The following CFAP97D2 variants were observed in gnomAD, a reference collection of about 807,000 sequenced individuals.
CFAP97D2 encodes uncharacterized protein CFAP97D2.
intron 1 of CFAP97D2, among the ~76,000 whole-genome samples, chr13:114,182,047 A>G (rs961194235): frequency 2.0e-5 from 3 of 152,086 alleles, no homozygotes; most frequent in Non-Finnish European, 2.9e-5. Context: ...TCAGCATACC[A>G]AGGACCTGCA....
At chr13:114,214,902 A>T (rs1040294284) in intron 4 of CFAP97D2, among the ~76,000 whole-genome samples, 1 of 150,544 alleles carries the variant, frequency 6.6e-6, no homozygotes, top group African/African-American at 2.4e-5. Context: ...AATATTTTAT[A>T]CAGATTTGCC....
At chr13:114,218,764 C>T (rs2081006905) in intron 4 of CFAP97D2, among the ~76,000 whole-genome samples, 1 of 152,128 alleles carries the variant, frequency 6.6e-6, no homozygotes, top group African/African-American at 2.4e-5. Flanking sequence ...CTGACAAAAA[C>T]AAGAAATGGG....
chr13:114,216,080 A>G (rs1421985357), intron 4 of CFAP97D2, among the ~76,000 whole-genome samples: 1 of 152,160 alleles, frequency 6.6e-6, no homozygotes, highest in African/African-American at 2.4e-5. Context: ...CAATCTCACT[A>G]GTGGACTGAA....
At chr13:114,182,597 G>A (rs975820606) in intron 1 of CFAP97D2, among the ~76,000 whole-genome samples, 1 of 149,140 alleles carries the variant, frequency 6.7e-6, no homozygotes. Flanking sequence ...CAAGGGCAGA[G>A]GTCCCTGCGG....
chr13:114,212,306 C>G (rs182034408), intron 4 of CFAP97D2: 1 of 382,236 alleles, frequency 2.6e-6, no homozygotes, highest in African/African-American at 2.1e-5. Flanking sequence ...TCACCCACCA[C>G]GCATTTGTTC....
chr13:114,203,762 G>A lies in CFAP97D2; in HGVS notation c.290+3319G>A, dbSNP rs1261633440. The stretch of plus-strand genomic sequence containing the variant: ...CTTCACCCGTTTCCCCAGTGCGCAT[G>A]TGGGCATGTGCAGACAAGGCCCTGG... On this transcript the variant is annotated intron_variant, in intron 3 of 4. Coordinates refer to ENST00000646158, the Ensembl canonical transcript of CFAP97D2. The surrounding 1 kb of genome is among the most constrained non-coding windows in gnomAD (Gnocchi z 4.3). 6.6e-6 allele frequency among the ~76,000 whole-genome samples: 1 copy of A among 152,248 alleles called. No individual in the cohort carries two copies. Among genetic ancestry groups the A allele is most frequent in the Non-Finnish European group, 1.5e-5 (1 of 68,052 alleles).
At chr13:114,182,218 T>C (rs375912498) in intron 1 of CFAP97D2, among the ~76,000 whole-genome samples, 9 of 125,302 alleles carry the variant, frequency 7.2e-5, no homozygotes, top group Admixed American at 1.7e-4. Context: ...GGGAAGGTAC[T>C]ATGCCTGGAT....
chr13:114,223,050 T>C (rs1382544210), downstream of CFAP97D2: 1 of 152,284 alleles, frequency 6.6e-6, no homozygotes, highest in Non-Finnish European at 1.5e-5. Context: ...AATATCTAAA[T>C]AAATCAGATT....
At chr13:114,212,294 C>G (rs377385715) in intron 4 of CFAP97D2, 3 of 388,682 alleles carry the variant, frequency 7.7e-6, no homozygotes, top group South Asian at 2.9e-4. Flanking sequence ...CAGCTGATGA[C>G]CTCACCCACC....
intron 3 of CFAP97D2, among the ~76,000 whole-genome samples, chr13:114,208,984 T>G (rs1356149227): frequency 2.0e-5 from 3 of 152,032 alleles, no homozygotes; most frequent in South Asian, 2.1e-4. Flanking sequence ...ACCCCTTTGG[T>G]TTTTGGATAT....
rs897231562 is a variant in CFAP97D2 at position 114,207,304 on chromosome 13, G to A, written c.291-4608G>A. On this transcript the variant is annotated intron_variant, in intron 3 of 4. Transcript: ENST00000646158. The surrounding 1 kb of genome is among the most constrained non-coding windows in gnomAD (Gnocchi z 4.9). ...GCTACTGGGATACGGCATGGACAGC[G>A]AGGGGAGGGGTCCCGTTCTTGTGAA... Among the ~76,000 whole-genome samples, 7 of 152,210 alleles carry A rather than the reference G, an allele frequency of 4.6e-5. No homozygotes were observed. Among genetic ancestry groups the A allele is most frequent in the South Asian group, 4.2e-4 (2 of 4,818 alleles).
intron 3 of CFAP97D2, among the ~76,000 whole-genome samples, chr13:114,209,842 G>C (rs2080959164): frequency 6.6e-6 from 1 of 152,184 alleles, no homozygotes; most frequent in Admixed American, 6.5e-5. Context: ...TCAATGCCCA[G>C]GCCAATGCTC....
At chr13:114,191,468 G>A (rs920363440) in intron 1 of CFAP97D2, among the ~76,000 whole-genome samples, 6 of 152,140 alleles carry the variant, frequency 3.9e-5, no homozygotes, top group African/African-American at 1.4e-4. Flanking sequence ...AAAGACCTTA[G>A]CAGACACCTC....
At chr13:114,192,808 T>C (rs1248433830) in intron 1 of CFAP97D2, among the ~76,000 whole-genome samples, 1 of 152,178 alleles carries the variant, frequency 6.6e-6, no homozygotes, top group Non-Finnish European at 1.5e-5. Context: ...TGATTCCATA[T>C]GAGGAAAGCC....
At chr13:114,198,836 G>GTGGGTCCCCGTGTGTACGGTCCC (rs1377851966) in intron 2 of CFAP97D2, among the ~76,000 whole-genome samples, 2 of 69,732 alleles carry the variant, frequency 2.9e-5, no homozygotes, top group Non-Finnish European at 2.4e-5. Context: ...AGGCGTGACA[G>GTGGGTCCCCGTGTGTACGGTCCC]CGCGTCCCCG....
intron 4 of CFAP97D2, among the ~76,000 whole-genome samples, chr13:114,220,358 A>C (rs2081015887): frequency 6.6e-6 from 1 of 152,124 alleles, no homozygotes. Flanking sequence ...TCCAGAGCCC[A>C]GGCCCCTCTC....
chr13:114,191,202 A>G (rs897765057), intron 1 of CFAP97D2, among the ~76,000 whole-genome samples: 3 of 152,192 alleles, frequency 2.0e-5, no homozygotes, highest in Non-Finnish European at 2.9e-5. Context: ...CAGCAAGCAG[A>G]GCTGGCAAGA....
intron 4 of CFAP97D2, among the ~76,000 whole-genome samples, chr13:114,219,615 A>C (rs148668948): frequency 0.011 from 1,747 of 152,310 alleles, 98 homozygotes; most frequent in Admixed American, 0.081. Context: ...ACTTTATTGA[A>C]GTCCCCAGCT....
chr13:114,188,850 C>G (rs2080859595), intron 1 of CFAP97D2, among the ~76,000 whole-genome samples: 1 of 148,416 alleles, frequency 6.7e-6, no homozygotes. Context: ...ATAAAAATTA[C>G]AGCAGAAATC....
Sources: gnomAD v4.1 joint callset for allele counts (sites outside exome capture counted in the v4.1 genomes callset) on GRCh38, gnomAD v4.1.1 for gene constraint, Gnocchi (gnomAD v3.1) non-coding constraint, MANE v1.5 for transcripts, NCBI Gene and HGNC (gene_info 2026-07-23, HGNC 2026-07-21) for gene names.